ATP10B: variants seen among roughly 807,000 people sequenced by gnomAD.
ATP10B encodes ATPase phospholipid transporting 10B (putative).
ATP10B carries 122 observed loss-of-function variants against 141.2 expected under a neutral mutation model. That is an observed-to-expected ratio of 0.86 (90% CI 0.75 to 1.00). ATP10B has a LOEUF of 1.00. Ranked by LOEUF, ATP10B falls within the 50% of genes least tolerant of loss-of-function variation. The probability of loss-of-function intolerance (pLI) is 0.00; values close to 1 mark genes in which losing one functional copy is unlikely to be tolerated. For synonymous variants in ATP10B, 685 were observed against 692.0 expected (o/e 0.99, Z 0.16); for missense variants, 1,876 against 1,825.3 (o/e 1.03, Z -0.51).
the ATP10B span, among the ~76,000 whole-genome samples, chr5:160,880,909 C>T: frequency 2.6e-5 from 4 of 152,112 alleles, no homozygotes; most frequent in East Asian, 1.9e-4. Flanking sequence ...ACACTAAAGG[C>T]ACACTCCATG....
At chr5:160,867,145 G>A in the ATP10B span, among the ~76,000 whole-genome samples, 1 of 151,924 alleles carries the variant, frequency 6.6e-6, no homozygotes, top group Non-Finnish European at 1.5e-5. Flanking sequence ...AATTAAATGT[G>A]TAGCAGTCAC....
At chr5:160,871,485 G>A in the ATP10B span, among the ~76,000 whole-genome samples, 2 of 151,954 alleles carry the variant, frequency 1.3e-5, no homozygotes, top group South Asian at 4.1e-4. Context: ...TATATACACT[G>A]CACCATATTT....
At chr5:160,906,235 C>T in the ATP10B span, among the ~76,000 whole-genome samples, 2 of 151,972 alleles carry the variant, frequency 1.3e-5, no homozygotes, top group Non-Finnish European at 1.5e-5. Flanking sequence ...AATGTGTGAC[C>T]ATGGAAGTAG....
At chr5:160,656,239 C>T (rs1761484948) in intron 7 of ATP10B, among the ~76,000 whole-genome samples, 1 of 152,140 alleles carries the variant, frequency 6.6e-6, no homozygotes, top group Admixed American at 6.5e-5. Flanking sequence ...CATCCTTTTT[C>T]TGTAAACTTC....
intron 3 of ATP10B, among the ~76,000 whole-genome samples, chr5:160,704,125 A>C (rs1386014256): frequency 6.6e-6 from 1 of 152,124 alleles, no homozygotes; most frequent in Non-Finnish European, 1.5e-5. Flanking sequence ...TGCCATGATC[A>C]TAGCTCACTG....
At chr5:160,599,554 G>A (rs1319918809) in intron 21 of ATP10B, among the ~76,000 whole-genome samples, 1 of 152,152 alleles carries the variant, frequency 6.6e-6, no homozygotes, top group Non-Finnish European at 1.5e-5. Context: ...GCAGTGGAGT[G>A]GTAATAGAAA....
intron 17 of ATP10B, chr5:160,614,508 C>G (rs1321993299): frequency 6.6e-6 from 1 of 152,290 alleles, no homozygotes; most frequent in Non-Finnish European, 1.5e-5. Flanking sequence ...GTGGCATCAT[C>G]TGGCAGATAG....
chr5:160,820,914 G>T (rs1279390433), intron 1 of ATP10B, among the ~76,000 whole-genome samples: 1 of 152,082 alleles, frequency 6.6e-6, no homozygotes, highest in Non-Finnish European at 1.5e-5. Context: ...AGCCATGTAT[G>T]GCAGACCCAT....
At chr5:160,788,734 T>C (rs1315236811) in intron 1 of ATP10B, among the ~76,000 whole-genome samples, 1 of 152,168 alleles carries the variant, frequency 6.6e-6, no homozygotes, top group Non-Finnish European at 1.5e-5. Context: ...ATTTAGTGAA[T>C]AGCTACAGTG....
chr5:160,722,377 C>G (rs1301215646), intron 2 of ATP10B, among the ~76,000 whole-genome samples: 1 of 152,178 alleles, frequency 6.6e-6, no homozygotes, highest in Non-Finnish European at 1.5e-5. Flanking sequence ...TCACTTTGTA[C>G]TCATTCGTAC....
chr5:160,856,598 A>C (rs1423250206), upstream of ATP10B, among the ~76,000 whole-genome samples: 3 of 151,902 alleles, frequency 2.0e-5, no homozygotes, highest in East Asian at 5.8e-4. Flanking sequence ...CAGGGGGAAA[A>C]TATTAAGTCT....
At chr5:160,784,271 T>A (rs1414079464) in intron 2 of ATP10B, among the ~76,000 whole-genome samples, 2 of 151,988 alleles carry the variant, frequency 1.3e-5, no homozygotes, top group African/African-American at 4.8e-5. Context: ...CAATTGCCTA[T>A]ACTTGAATGG....
chr5:160,818,682 A>C (rs1773872244), intron 1 of ATP10B, among the ~76,000 whole-genome samples: 2 of 152,248 alleles, frequency 1.3e-5, no homozygotes, highest in South Asian at 2.1e-4. Context: ...TCATGCTGCT[A>C]TAAAGACACA....
intron 1 of ATP10B, among the ~76,000 whole-genome samples, chr5:160,827,484 C>T (rs756193965): frequency 1.3e-5 from 2 of 152,128 alleles, no homozygotes; most frequent in Non-Finnish European, 2.9e-5. Flanking sequence ...ATGTCACTTG[C>T]CTAGTTTTTA....
chr5:160,888,416 TAAGCAGCTATCAGAAGTCTCTCG>T, the ATP10B span, among the ~76,000 whole-genome samples: 1 of 152,222 alleles, frequency 6.6e-6, no homozygotes, highest in Non-Finnish European at 1.5e-5. Flanking sequence ...TAAACTTTAT[TAAGCAGCTATCAGAAGTCTCTCG>T]ATGTCTAGGC....
the ATP10B span, among the ~76,000 whole-genome samples, chr5:160,899,835 G>A: frequency 6.6e-6 from 1 of 152,074 alleles, no homozygotes; most frequent in Admixed American, 6.5e-5. Flanking sequence ...ACTGATTCTG[G>A]GAATTCTGGA....
intron 13 of ATP10B, among the ~76,000 whole-genome samples, chr5:160,628,167 AG>A (rs1188437682): frequency 1.3e-5 from 2 of 152,264 alleles, no homozygotes; most frequent in Non-Finnish European, 2.9e-5. Context: ...ATGGATTGTT[AG>A]GGGAAGCTTT....
In ATP10B at chr5:160,844,149, T is replaced by A. The variant is rs80018113; in HGVS notation, c.-576+7792A>T. The stretch of plus-strand genomic sequence containing the variant: ...ATTAATTTAGAAAACTGTTTAGCAG[T>A]ATCAGTTAAAGCTCAGCAACTTCAC... On this transcript the variant is annotated intron_variant, in intron 1 of 25. Transcript: ENST00000327245. Among the ~76,000 whole-genome samples the A allele has an allele frequency of 1.9e-4, 29 of 152,262 alleles. No individual in the cohort carries two copies. The East Asian group carries it at 5.4e-3, about 28-fold the overall frequency.
Position 160,622,453 on chromosome 5 carries a change from G to A in ATP10B, c.1753C>T (p.Leu585Phe). The change falls in exon 14 of 26, where the codon CTT becomes TTT. Residue 585 changes from leucine (L) to phenylalanine (F), a missense_variant. Physicochemically the swap from Leu to Phe is conservative, Grantham distance 22. Coordinates refer to ENST00000327245, the MANE Select transcript of ATP10B (RefSeq NM_025153.3). ...ACAGAGTTGCAGATGGTTAAGGCAA[G>A]GAAGAAATCAGCAATGGAGGAGGTG... ...STTSSIADFF[L>F]ALTICNSVMV... The A allele has an allele frequency of 6.2e-7, 1 of 1,614,130 alleles. No individual in the cohort carries two copies. Among genetic ancestry groups the A allele is most frequent in the Non-Finnish European group, 8.5e-7 (1 of 1,180,030 alleles).
Sources: allele counts gnomAD v4.1 joint callset (sites outside exome capture counted in the v4.1 genomes callset), GRCh38; gene constraint gnomAD v4.1.1; transcripts MANE v1.5; gene names NCBI Gene and HGNC (gene_info 2026-07-23, HGNC 2026-07-21).